The following DNAJA1 variants were observed in gnomAD, a reference collection of about 807,000 sequenced individuals.
DNAJA1 encodes dnaJ homolog subfamily A member 1.
DNAJA1 carries 26 observed loss-of-function variants against 47.6 expected under a neutral mutation model. The ratio of observed to expected loss-of-function variants is 0.55; its 90% CI spans 0.40 to 0.76. DNAJA1 has a LOEUF of 0.76. Among genes scored for constraint, DNAJA1 ranks in the 30% least tolerant of loss-of-function variants. The pLI is 0.00. For missense variants in DNAJA1, 315 were observed against 485.0 expected (o/e 0.65, Z 3.29); for synonymous variants, 165 against 158.4 (o/e 1.04, Z -0.31).
intron 3 of DNAJA1, 35 bp from the exon 4 acceptor site, chr9:33,029,850 T>G: frequency 6.5e-7 from 1 of 1,544,454 alleles, no homozygotes; most frequent in Non-Finnish European, 8.8e-7. Context: ...TCCAGCATCT[T>G]AAACAGATTT....
Position 33,039,724 on chromosome 9 carries a change from ATTACT to A in DNAJA1, c.*825_*829del, listed in dbSNP as rs1253858749. On this transcript the variant is annotated 3_prime_UTR_variant, in exon 9 of 9. Coordinates refer to ENST00000330899, the MANE Select transcript of DNAJA1 (RefSeq NM_001539.4). ...AGGTGTTCTTTAGGTATGTTACAGG[ATTACT>A]TTAAACCATTTGACTTTCGCTCCAA... The A allele has an allele frequency of 1.3e-5, 2 of 151,854 alleles. No homozygotes were observed. The highest frequency in any genetic ancestry group is 6.6e-5 in the Admixed American group (1 of 15,214). 9.4% of individuals were successfully genotyped at this position (151,854 alleles called of 1,614,324 possible).
chr9:33,028,539 A>G (rs12380574), intron 3 of DNAJA1, among the ~76,000 whole-genome samples: 10,730 of 152,264 alleles, frequency 0.07, 514 homozygotes, highest in Non-Finnish European at 0.11. Context: ...CAAGGAAAGG[A>G]TTATGTTTTT....
chr9:33,034,348 C>G lies in DNAJA1; in HGVS notation c.758+18C>G. 6.4e-7 allele frequency: 1 copy of G among 1,572,960 alleles called. No individual in the cohort carries two copies. The highest frequency in any genetic ancestry group is 8.7e-7 in the Non-Finnish European group (1 of 1,152,832). ...TTTACTCGGTAAAGACTTTTATCAACCACTCAAATTGATATCACATATTTG... is the reference window on the plus strand; with the variant it reads ...TTTACTCGGTAAAGACTTTTATCAAGCACTCAAATTGATATCACATATTTG... On this transcript the variant is annotated intron_variant, in intron 6 of 8. Coordinates refer to ENST00000330899, the MANE Select transcript of DNAJA1 (RefSeq NM_001539.4).
Position 33,038,773 on chromosome 9 carries a change from C to T in DNAJA1, c.1064C>T (p.Thr355Ile). The change falls in exon 9 of 9, where the codon ACT becomes ATT. Residue 355 changes from threonine (T) to isoleucine (I), a missense_variant. By Grantham distance (89) the Thr-to-Ile change is moderately conservative (BLOSUM62 -1). This residue lies in a region of DNAJA1 where 162 missense variants were observed against 185.4 expected (regional missense o/e 0.87). Transcript: ENST00000330899. The part of the protein sequence containing the change: ...LLPERKEVEE[T>I]DEMDQVELVD... ...CCCGAGAGGAAGGAAGTGGAAGAGA[C>T]TGATGAGATGGACCAAGTAGAACTG... 1.2e-6 allele frequency: 2 copies of T among 1,614,108 alleles called. No individual in the cohort carries two copies. Among genetic ancestry groups the T allele is most frequent in the Non-Finnish European group, 1.7e-6 (2 of 1,180,012 alleles).
intron 5 of DNAJA1, among the ~76,000 whole-genome samples, chr9:33,032,890 T>C (rs1351832308): frequency 6.6e-6 from 1 of 152,148 alleles, no homozygotes; most frequent in Admixed American, 6.5e-5. Flanking sequence ...CATGAGTTAG[T>C]AACTGCTGAA....
At position 33,026,759 on chromosome 9, in the gene DNAJA1, C is replaced by T. The variant is rs1838871089; in HGVS notation, c.133-54C>T. On this transcript the variant is annotated intron_variant, in intron 2 of 8. Transcript: ENST00000330899. ...TTAGCTAAGATCAAGTGTAATGTAG[C>T]TAGGTAACACTTGTTTTTTAAAAAA... The T allele has an allele frequency of 4.4e-6, 7 of 1,595,750 alleles. No individual in the cohort carries two copies. In the Admixed American group the frequency reaches 1.2e-4, roughly 28 times the overall value.
chr9:33,034,766 T>C (rs1397721776), intron 6 of DNAJA1, among the ~76,000 whole-genome samples: 1 of 152,206 alleles, frequency 6.6e-6, no homozygotes, highest in Non-Finnish European at 1.5e-5. Context: ...TAAATTCAGG[T>C]CTACCATTTT....
chr9:33,033,450 G>C (rs1303002193), intron 5 of DNAJA1, among the ~76,000 whole-genome samples: 1 of 151,788 alleles, frequency 6.6e-6, no homozygotes, highest in Admixed American at 6.6e-5. Context: ...TCTGTAATCC[G>C]AACACTATAG....
At chr9:33,037,496 A>G (rs1202335760) in intron 8 of DNAJA1, among the ~76,000 whole-genome samples, 1 of 152,156 alleles carries the variant, frequency 6.6e-6, no homozygotes, top group Non-Finnish European at 1.5e-5. Context: ...AGCCTGGGCA[A>G]CATGGCAAAA....
chr9:33,037,337 A>G (rs892108767), intron 8 of DNAJA1: 10 of 330,672 alleles, frequency 3.0e-5, no homozygotes, highest in African/African-American at 2.1e-4. Context: ...AAAAAATTAA[A>G]ATTTCTGAAT....
At chr9:33,038,619 G>T in intron 8 of DNAJA1, 66 bp from the exon 9 acceptor site, 2 of 1,424,076 alleles carry the variant, frequency 1.4e-6, no homozygotes, top group Non-Finnish European at 9.6e-7. Context: ...TGGGGAAAAT[G>T]GGTCCATGAT....
At chr9:33,029,848 C>G in intron 3 of DNAJA1, 37 bp from the exon 4 acceptor site, 1 of 1,539,332 alleles carries the variant, frequency 6.5e-7, no homozygotes, top group Non-Finnish European at 8.9e-7. Flanking sequence ...GATCCAGCAT[C>G]TTAAACAGAT....
intron 6 of DNAJA1, 34 bp downstream of exon 6, chr9:33,034,364 C>G: frequency 6.6e-7 from 1 of 1,518,990 alleles, no homozygotes; most frequent in Non-Finnish European, 9.0e-7. Context: ...AAATTGATAT[C>G]ACATATTTGG....
intron 5 of DNAJA1, among the ~76,000 whole-genome samples, chr9:33,031,805 T>C (rs1270295272): frequency 1.3e-5 from 2 of 152,212 alleles, no homozygotes; most frequent in Non-Finnish European, 2.9e-5. Flanking sequence ...AATGCTCCGT[T>C]AATTGATTTG....
intron 5 of DNAJA1, among the ~76,000 whole-genome samples, chr9:33,032,840 TG>T (rs925253170): frequency 4.6e-5 from 7 of 152,026 alleles, no homozygotes; most frequent in African/African-American, 2.4e-5. Context: ...AAAGTATATG[TG>T]GGGGGCATGC....
At chr9:33,036,521 C>T (rs1200070010) in intron 6 of DNAJA1, 53 bp from the exon 7 acceptor site, 4 of 1,219,552 alleles carry the variant, frequency 3.3e-6, no homozygotes, top group Non-Finnish European at 3.5e-6. Flanking sequence ...TGCTTTGGTA[C>T]ATCTACTGAT....
intron 5 of DNAJA1, 113 bp from the exon 6 acceptor site, chr9:33,034,103 T>C: frequency 1.4e-6 from 1 of 701,970 alleles, no homozygotes; most frequent in Non-Finnish European, 2.2e-6. Context: ...AAGTGGGCTT[T>C]CTTAGTCATT....
At chr9:33,035,544 A>G (rs1189527378) in intron 6 of DNAJA1, among the ~76,000 whole-genome samples, 1 of 152,056 alleles carries the variant, frequency 6.6e-6, no homozygotes, top group African/African-American at 2.4e-5. Context: ...ATCTTGGCTC[A>G]CTGCAACCTC....
intron 4 of DNAJA1, 84 bp from the exon 5 acceptor site, chr9:33,030,356 G>T (rs1320137690): frequency 7.7e-7 from 1 of 1,297,338 alleles, no homozygotes; most frequent in Non-Finnish European, 1.1e-6. Flanking sequence ...TAAAAGTATA[G>T]CATTTAGGAA....
Sources: allele counts gnomAD v4.1 joint callset (sites outside exome capture counted in the v4.1 genomes callset), GRCh38; gene constraint gnomAD v4.1.1; regional missense constraint gnomAD v4.1.1; transcripts MANE v1.5; gene names NCBI Gene and HGNC (gene_info 2026-07-23, HGNC 2026-07-21).